Variants in CADPS observed in about 807,000 individuals in gnomAD.
CADPS encodes the protein calcium-dependent secretion activator 1.
Under a neutral mutation model 167.3 loss-of-function variants are expected in CADPS, and 57 were observed. That is an observed-to-expected ratio of 0.34 (90% confidence interval 0.28 to 0.42). The LOEUF (loss-of-function observed/expected upper bound fraction) is 0.42. Ranked by LOEUF, CADPS falls within the 20% of genes least tolerant of loss-of-function variation. The pLI is 1.00. For missense variants in CADPS, 1,414 were observed against 1,738.1 expected, an observed-to-expected ratio of 0.81 and a Z score of 3.32; for synonymous variants, 676 against 635.3, an observed-to-expected ratio of 1.06 and a Z score of -0.96.
intron 2 of CADPS, among the ~76,000 whole-genome samples, chr3:62,765,401 T>A (rs1876256): frequency 0.13 from 20,326 of 151,968 alleles, 1,466 homozygotes; most frequent in South Asian, 0.21. Context: ...GCAGCATTTT[T>A]AAAAAAAGAA....
intron 1 of CADPS, among the ~76,000 whole-genome samples, chr3:62,773,081 TA>T (rs66547313): frequency 0.56 from 84,814 of 151,878 alleles, 25,616 homozygotes; most frequent in East Asian, 0.84. Flanking sequence ...AACAAGTGTT[TA>T]AAAATCATCA....
intron 3 of CADPS, among the ~76,000 whole-genome samples, chr3:62,671,827 A>G (rs548044146): frequency 1.3e-5 from 2 of 152,230 alleles, no homozygotes; most frequent in South Asian, 4.2e-4. Context: ...CAGTGGCGTG[A>G]TCTCAGCTAA....
At chr3:62,590,571 G>A (rs1475257558) in intron 7 of CADPS, among the ~76,000 whole-genome samples, 1 of 151,912 alleles carries the variant, frequency 6.6e-6, no homozygotes, top group Non-Finnish European at 1.5e-5. Flanking sequence ...ATCTCCATCT[G>A]TAGTCTATGC....
chr3:62,498,780 G>C (rs562681585), intron 18 of CADPS, among the ~76,000 whole-genome samples: 1 of 151,718 alleles, frequency 6.6e-6, no homozygotes, highest in Non-Finnish European at 1.5e-5. Context: ...AAGAAGGTCT[G>C]TGGTTCTCAT....
chr3:62,405,141 G>A (rs868361158), intron 28 of CADPS, among the ~76,000 whole-genome samples: 5 of 149,374 alleles, frequency 3.3e-5, no homozygotes, highest in South Asian at 2.1e-4. Context: ...TAATCTGGGG[G>A]GGGGGGGGGC....
intron 2 of CADPS, among the ~76,000 whole-genome samples, chr3:62,755,561 C>G (rs1049457955): frequency 1.3e-5 from 2 of 152,194 alleles, no homozygotes; most frequent in African/African-American, 4.8e-5. Flanking sequence ...GGGGGCATCT[C>G]ATTGCCTCAT....
intron 3 of CADPS, among the ~76,000 whole-genome samples, chr3:62,682,498 A>G (rs764908293): frequency 3.3e-5 from 5 of 152,058 alleles, no homozygotes; most frequent in Non-Finnish European, 5.9e-5. Flanking sequence ...TGAAATCGCT[A>G]GTGTTCAGTG....
chr3:62,443,040 C>G (rs941630759), intron 27 of CADPS, among the ~76,000 whole-genome samples: 2 of 152,064 alleles, frequency 1.3e-5, no homozygotes, highest in African/African-American at 4.8e-5. Context: ...TAGCTTTGTC[C>G]TAAGTCATTA....
chr3:62,750,080 G>A lies in CADPS; in HGVS notation c.888+3361C>T, dbSNP rs111909979. 1.1e-3 allele frequency among the ~76,000 whole-genome samples: 163 copies of A among 152,190 alleles called. 1 individual carries two copies. Among genetic ancestry groups the A allele is most frequent in the African/African-American group, 3.8e-3 (158 of 41,528 alleles). ...AAAAAGTGAACTTGGGGCCAGGCAC[G>A]GTGGCTCATGCCTATAATCCCAGCA... On this transcript the variant is annotated intron_variant, in intron 3 of 29. Transcript: ENST00000383710.
At chr3:62,741,271 T>C (rs1188705977) in intron 3 of CADPS, among the ~76,000 whole-genome samples, 1 of 152,128 alleles carries the variant, frequency 6.6e-6, no homozygotes, top group Non-Finnish European at 1.5e-5. Flanking sequence ...CTAACTGATT[T>C]TATAAGGCCA....
At position 62,601,863 on chromosome 3, in the gene CADPS, T is replaced by C. The variant is rs1034588168; in HGVS notation, c.1326-9115A>G. Among the ~76,000 whole-genome samples the C allele has an allele frequency of 6.6e-6, 1 of 152,016 alleles. No individual in the cohort carries two copies. Among genetic ancestry groups the C allele is most frequent in the Non-Finnish European group, 1.5e-5 (1 of 68,006 alleles). ...GAACACTTTGATCTGGGGGAGAAAA[T>C]GAGGGAGAAGAATATGCTTTTGGGA... is the stretch of plus-strand genomic sequence containing the variant. On this transcript the variant is annotated intron_variant, in intron 6 of 29. Coordinates refer to ENST00000383710, the MANE Select transcript of CADPS (RefSeq NM_003716.4). The surrounding 1 kb of genome is among the most constrained non-coding windows in gnomAD (Gnocchi z 4.3).
Position 62,433,658 on chromosome 3 carries a change from G to A in CADPS, c.3777+4446C>T, listed in dbSNP as rs1475680264. Reference sequence around the variant, plus strand: ...GTGGATTCCATCCAAGTTCGAGATGGCTTTTTAATCACTCATCTCCGAGCC... The same window carrying A: ...GTGGATTCCATCCAAGTTCGAGATGACTTTTTAATCACTCATCTCCGAGCC... On this transcript the variant is annotated intron_variant, in intron 28 of 29. Coordinates refer to ENST00000383710, the MANE Select transcript of CADPS (RefSeq NM_003716.4). The surrounding 1 kb of genome is among the most constrained non-coding windows in gnomAD (Gnocchi z 4.7). 1.3e-5 allele frequency among the ~76,000 whole-genome samples: 2 copies of A among 152,146 alleles called. No individual in the cohort carries two copies. Among genetic ancestry groups the A allele is most frequent in the Non-Finnish European group, 2.9e-5 (2 of 68,030 alleles).
chr3:62,595,763 G>A (rs1375639159), intron 6 of CADPS, among the ~76,000 whole-genome samples: 1 of 152,096 alleles, frequency 6.6e-6, no homozygotes, highest in Non-Finnish European at 1.5e-5. Context: ...TGTTTGTGTG[G>A]GTGTTGCCAA....
chr3:62,860,665 A>G lies in CADPS; in HGVS notation c.441+13924T>C, dbSNP rs868379183. Among the ~76,000 whole-genome samples, 16 of 152,284 alleles carry G rather than the reference A, an allele frequency of 1.1e-4. No individual in the cohort carries two copies. The Middle Eastern group carries it at 0.02, about 194-fold the overall frequency. On this transcript the variant is annotated intron_variant, in intron 1 of 29. Coordinates refer to ENST00000383710, the MANE Select transcript of CADPS (RefSeq NM_003716.4). ...TGGGCTGGAGCCTTTCTCTACTCCT[A>G]TGCCCAGATCCAAATCTTACCACCT... is the stretch of plus-strand genomic sequence containing the variant.
chr3:62,759,347 T>C (rs535565319), intron 2 of CADPS, among the ~76,000 whole-genome samples: 13 of 152,306 alleles, frequency 8.5e-5, no homozygotes, highest in Admixed American at 3.9e-4. Flanking sequence ...TAATACAAGT[T>C]AGCTGTTATT....
intron 3 of CADPS, among the ~76,000 whole-genome samples, chr3:62,665,665 CTG>C: frequency 6.6e-6 from 1 of 152,346 alleles, no homozygotes; most frequent in East Asian, 1.9e-4. Context: ...TGTCAACCCT[CTG>C]TCACTTGTCA....
At chr3:62,833,230 C>T (rs370008409) in intron 1 of CADPS, among the ~76,000 whole-genome samples, 20 of 152,090 alleles carry the variant, frequency 1.3e-4, no homozygotes, top group African/African-American at 4.8e-4. Flanking sequence ...TCATAGCTTA[C>T]TGCAGCCTCA....
chr3:62,768,342 C>A (rs536749887), intron 1 of CADPS, among the ~76,000 whole-genome samples: 27 of 152,208 alleles, frequency 1.8e-4, no homozygotes, highest in African/African-American at 5.5e-4. Flanking sequence ...AGTGTGAATA[C>A]CAGCTTTGCG....
intron 9 of CADPS, among the ~76,000 whole-genome samples, chr3:62,565,535 T>C (rs762437376): frequency 6.6e-6 from 1 of 152,152 alleles, no homozygotes; most frequent in Non-Finnish European, 1.5e-5. Context: ...ACTTACTGTA[T>C]CAGAGTCTTC....
Sources: allele counts gnomAD v4.1 joint callset (sites outside exome capture counted in the v4.1 genomes callset), GRCh38; gene constraint gnomAD v4.1.1; non-coding constraint Gnocchi (gnomAD v3.1); transcripts MANE v1.5; gene names NCBI Gene and HGNC (gene_info 2026-07-23, HGNC 2026-07-21).